FARS2: variants seen among roughly 807,000 people sequenced by gnomAD.
FARS2 encodes the protein phenylalanyl-tRNA synthetase 2, mitochondrial.
Under a neutral mutation model 46.4 loss-of-function variants are expected in FARS2, and 40 were observed. The ratio of observed to expected loss-of-function variants is 0.86; its 90% CI spans 0.67 to 1.12. The LOEUF is 1.12. Among genes scored for constraint, FARS2 ranks in the 50% most tolerant of loss-of-function variants. FARS2 has a pLI of 0.00. For missense variants in FARS2, 513 were observed against 567.9 expected (o/e 0.90, Z 0.98); for synonymous variants, 234 against 214.9 (o/e 1.09, Z -0.78).
At chr6:5,642,746 A>C (rs1032317858) in intron 6 of FARS2, among the ~76,000 whole-genome samples, 2 of 152,348 alleles carry the variant, frequency 1.3e-5, no homozygotes, top group Middle Eastern at 3.4e-3. Flanking sequence ...ACTTCAAAGA[A>C]GGACACACTT....
intron 1 of FARS2, among the ~76,000 whole-genome samples, chr6:5,347,470 A>G (rs1360844287): frequency 6.6e-6 from 1 of 152,038 alleles, no homozygotes; most frequent in Non-Finnish European, 1.5e-5. Context: ...TTTTGAGACC[A>G]TTTGAGATTC....
chr6:5,616,136 A>G (rs767247357), intron 6 of FARS2, among the ~76,000 whole-genome samples: 3 of 151,068 alleles, frequency 2.0e-5, no homozygotes, highest in Non-Finnish European at 4.4e-5. Flanking sequence ...TTTGGCTTCT[A>G]CTTGATTTCA....
intron 4 of FARS2, among the ~76,000 whole-genome samples, chr6:5,541,255 G>T (rs367623973): frequency 1.3e-5 from 2 of 152,148 alleles, no homozygotes; most frequent in Admixed American, 6.5e-5. Flanking sequence ...GAGAGTAACC[G>T]TTGAGAAACT....
At chr6:5,291,455 TC>T (rs1277784135) in intron 1 of FARS2, 5 of 152,230 alleles carry the variant, frequency 3.3e-5, no homozygotes, top group Admixed American at 2.6e-4. Context: ...GATCCCAACT[TC>T]CTAAACTATC....
At chr6:5,334,358 A>G (rs11243004) in intron 1 of FARS2, among the ~76,000 whole-genome samples, 27,131 of 152,170 alleles carry the variant, frequency 0.18, 2,957 homozygotes, top group East Asian at 0.49. Context: ...CCATTTGACT[A>G]GCAATTCAGC....
chr6:5,766,251 T>C (rs1174278864), intron 6 of FARS2, among the ~76,000 whole-genome samples: 1 of 152,228 alleles, frequency 6.6e-6, no homozygotes, highest in Non-Finnish European at 1.5e-5. Context: ...CCTGCGTGAG[T>C]TGGGGGAGGA....
chr6:5,437,739 C>T (rs1242826073), intron 4 of FARS2, among the ~76,000 whole-genome samples: 2 of 152,034 alleles, frequency 1.3e-5, no homozygotes, highest in East Asian at 1.9e-4. Flanking sequence ...TTGAAAACCT[C>T]GTGATTCAAT....
intron 1 of FARS2, among the ~76,000 whole-genome samples, chr6:5,351,664 T>C (rs1757583754): frequency 1.3e-5 from 2 of 152,126 alleles, no homozygotes; most frequent in African/African-American, 4.8e-5. Flanking sequence ...GTTAATTCCT[T>C]TATGAGCTCT....
chr6:5,404,853 A>T, intron 3 of FARS2, 152 bp downstream of exon 3: 3 of 521,120 alleles, frequency 5.8e-6, no homozygotes, highest in Non-Finnish European at 9.3e-6. Context: ...AGGCTGGAGT[A>T]TAGTGGTGCG....
chr6:5,396,719 G>A (rs141536478), intron 2 of FARS2, among the ~76,000 whole-genome samples: 1 of 152,216 alleles, frequency 6.6e-6, no homozygotes, highest in Non-Finnish European at 1.5e-5. Context: ...GACATGAAGC[G>A]TGTGGAGGTG....
At chr6:5,611,687 A>G (rs1582581704) in intron 5 of FARS2, among the ~76,000 whole-genome samples, 1 of 152,320 alleles carries the variant, frequency 6.6e-6, no homozygotes, top group East Asian at 1.9e-4. Flanking sequence ...CATGGATTTT[A>G]AACTGTATTT....
intron 6 of FARS2, among the ~76,000 whole-genome samples, chr6:5,768,767 T>C (rs1762873620): frequency 6.6e-6 from 1 of 152,240 alleles, no homozygotes; most frequent in Admixed American, 6.5e-5. Context: ...TGGCCATTTG[T>C]TTATCTTTGC....
chr6:5,454,873 C>T (rs1163314412), intron 4 of FARS2, among the ~76,000 whole-genome samples: 1 of 152,214 alleles, frequency 6.6e-6, no homozygotes, highest in Non-Finnish European at 1.5e-5. Flanking sequence ...TTTGCTGGGA[C>T]TGCCTGGGCA....
chr6:5,350,267 C>CA (rs1195406416), intron 1 of FARS2, among the ~76,000 whole-genome samples: 3 of 151,412 alleles, frequency 2.0e-5, no homozygotes, highest in Non-Finnish European at 4.4e-5. Context: ...CTCAGCCTCC[C>CA]AAAGTGCTGG....
At chr6:5,717,689 G>A (rs973080196) in intron 6 of FARS2, among the ~76,000 whole-genome samples, 2 of 151,800 alleles carry the variant, frequency 1.3e-5, no homozygotes, top group African/African-American at 4.8e-5. Context: ...ATAGATTCAG[G>A]TGTTGTTAAC....
At chr6:5,625,112 C>T (rs550969079) in intron 6 of FARS2, among the ~76,000 whole-genome samples, 1 of 152,336 alleles carries the variant, frequency 6.6e-6, no homozygotes, top group East Asian at 1.9e-4. Context: ...AATTTGGATA[C>T]ATCCTGGCCC....
At position 5,700,626 on chromosome 6, in the gene FARS2, G is replaced by A. The variant is rs562295752; in HGVS notation, c.1218-70665G>A. Among the ~76,000 whole-genome samples, 11 of 152,226 alleles carry A rather than the reference G, an allele frequency of 7.2e-5. No homozygotes were observed. The South Asian group carries it at 1.5e-3, about 20-fold the overall frequency. On this transcript the variant is annotated intron_variant, in intron 6 of 6. Transcript: ENST00000274680. Reference sequence around the variant, plus strand: ...TTGGCCAGGCTGGTCTCGAACTCCGGACTTTGTGATGCACCCGCCTCGGCC... The same window carrying A: ...TTGGCCAGGCTGGTCTCGAACTCCGAACTTTGTGATGCACCCGCCTCGGCC...
At chr6:5,649,924 A>G (rs1223741987) in intron 6 of FARS2, among the ~76,000 whole-genome samples, 2 of 152,216 alleles carry the variant, frequency 1.3e-5, no homozygotes, top group African/African-American at 2.4e-5. Context: ...TTTTGATAAA[A>G]AGACCCCAGA....
chr6:5,320,292 A>G (rs538728407), intron 1 of FARS2, among the ~76,000 whole-genome samples: 1 of 152,304 alleles, frequency 6.6e-6, no homozygotes, highest in South Asian at 2.1e-4. Flanking sequence ...CTCCAGAGAG[A>G]TCAACACAAG....
Sources: gnomAD v4.1 joint callset for allele counts (sites outside exome capture counted in the v4.1 genomes callset) on GRCh38, gnomAD v4.1.1 for gene constraint, MANE v1.5 for transcripts, NCBI Gene and HGNC (gene_info 2026-07-23, HGNC 2026-07-21) for gene names.